Variants in GLI2 observed in about 807,000 individuals in gnomAD.
GLI2 encodes the protein transcription activator GLI2.
In GLI2, 22 loss-of-function variants were observed where a neutral mutation model predicts 78.9. The observed-to-expected ratio is 0.28, with a 90% CI of 0.20 to 0.40. The LOEUF (loss-of-function observed/expected upper bound fraction) is 0.40, where lower values mean the gene tolerates loss of function less well. Among genes scored for constraint, GLI2 ranks in the 10% least tolerant of loss-of-function variants. The pLI, the probability that GLI2 is intolerant of heterozygous loss-of-function variation, is 1.00. For synonymous variants in GLI2, 974 were observed against 963.7 expected (o/e 1.01, Z -0.20); for missense variants, 2,097 against 2,213.2 (o/e 0.95, Z 1.05).
chr2:120,978,347 G>T, intron 9 of GLI2, 87 bp from the exon 10 acceptor site: 1 of 1,462,736 alleles, frequency 6.8e-7, no homozygotes, highest in Non-Finnish European at 9.6e-7. Context: ...CTGGGGGGGT[G>T]CCGGTGCAGG....
chr2:120,821,192 A>C (rs13392139), intron 2 of GLI2, among the ~76,000 whole-genome samples: 4 of 151,716 alleles, frequency 2.6e-5, no homozygotes, highest in African/African-American at 7.3e-5. Context: ...TGTACGGGGG[A>C]GGTTCTCTCG....
intron 2 of GLI2, among the ~76,000 whole-genome samples, chr2:120,861,477 C>T (rs567533567): frequency 1.6e-4 from 25 of 152,302 alleles, no homozygotes; most frequent in East Asian, 5.8e-4. Context: ...GAGTCGCCCA[C>T]GCTATAGTCA....
At chr2:120,742,574 C>T (rs920918555) in intron 1 of GLI2, among the ~76,000 whole-genome samples, 1 of 151,736 alleles carries the variant, frequency 6.6e-6, no homozygotes, top group African/African-American at 2.4e-5. Flanking sequence ...GCCGAGAGCC[C>T]GCCACACACG....
At chr2:120,835,486 G>A (rs1386878730) in intron 2 of GLI2, among the ~76,000 whole-genome samples, 2 of 151,060 alleles carry the variant, frequency 1.3e-5, no homozygotes, top group East Asian at 1.9e-4. Flanking sequence ...CCTGGGTTCC[G>A]GAGATTCTCC....
chr2:120,952,219 G>T (rs78149916), intron 4 of GLI2, among the ~76,000 whole-genome samples: 1 of 152,152 alleles, frequency 6.6e-6, no homozygotes, highest in African/African-American at 2.4e-5. Context: ...CCCTGAGAGC[G>T]CTGTTAGCCA....
chr2:120,988,062 A>T (rs1190312936), intron 13 of GLI2, 146 bp from the exon 14 acceptor site: 8 of 672,854 alleles, frequency 1.2e-5, no homozygotes, highest in South Asian at 9.2e-5. Context: ...TAAAAAGAGA[A>T]AGAGAGAAAG....
chr2:120,928,008 G>A (rs75083932), intron 3 of GLI2, among the ~76,000 whole-genome samples: 1 of 152,064 alleles, frequency 6.6e-6, no homozygotes, highest in Non-Finnish European at 1.5e-5. Flanking sequence ...GCCTAACCCT[G>A]TCCCTGTCAT....
At chr2:120,935,082 G>GT (rs1158990707) in intron 3 of GLI2, among the ~76,000 whole-genome samples, 2 of 152,136 alleles carry the variant, frequency 1.3e-5, no homozygotes, top group East Asian at 1.9e-4. Flanking sequence ...GGCTTTGTTT[G>GT]TTTTTTGGGA....
intron 3 of GLI2, among the ~76,000 whole-genome samples, chr2:120,947,686 T>G (rs1240134360): frequency 6.6e-6 from 1 of 152,098 alleles, no homozygotes; most frequent in Non-Finnish European, 1.5e-5. Context: ...CCGGCCCTGG[T>G]CATTTCACAC....
At chr2:120,827,069 A>G (rs1235035638) in intron 2 of GLI2, among the ~76,000 whole-genome samples, 1 of 152,164 alleles carries the variant, frequency 6.6e-6, no homozygotes, top group Non-Finnish European at 1.5e-5. Context: ...AGGGCCTGGC[A>G]CTGCCCATGC....
intron 1 of GLI2, among the ~76,000 whole-genome samples, chr2:120,795,646 C>G (rs1207794803): frequency 6.6e-6 from 1 of 151,870 alleles, no homozygotes; most frequent in Non-Finnish European, 1.5e-5. Context: ...CTGCGACCCC[C>G]GTCCCCACAC....
intron 2 of GLI2, among the ~76,000 whole-genome samples, chr2:120,920,931 T>C (rs1049215044): frequency 6.9e-6 from 1 of 145,696 alleles, no homozygotes; most frequent in African/African-American, 2.5e-5. Context: ...AAGCCAACAA[T>C]GAAAGCTGTG....
intron 2 of GLI2, among the ~76,000 whole-genome samples, chr2:120,860,217 C>T (rs1340997057): frequency 6.6e-6 from 1 of 152,192 alleles, no homozygotes; most frequent in Non-Finnish European, 1.5e-5. Context: ...TCAGATTTGT[C>T]TTCCAGTTTC....
At position 120,989,821 on chromosome 2, in the gene GLI2, G is replaced by T; in HGVS notation, c.3856G>T (p.Gly1286Trp). ...GATGGGCAATCGCCACAGGGAACTT[G>T]GGGTCCCCGATTCAGCCCTGGCTGG... ...TTMGNRHRELGVPDSALAGVP... is the reference protein window; with the variant it reads ...TTMGNRHRELWVPDSALAGVP... Residue 1286 changes from glycine to tryptophan, a missense_variant, in exon 14 of 14, where the codon GGG (glycine) becomes TGG (tryptophan). Gly to Trp is a radical substitution (Grantham distance 184). Transcript: ENST00000361492. 1 of 1,611,686 alleles carries T rather than the reference G, an allele frequency of 6.2e-7. No homozygotes were observed. The highest frequency in any genetic ancestry group is 8.5e-7 in the Non-Finnish European group (1 of 1,179,048).
At chr2:120,896,660 C>T (rs1222510664) in intron 2 of GLI2, among the ~76,000 whole-genome samples, 3 of 29,590 alleles carry the variant, frequency 1.0e-4, no homozygotes, top group South Asian at 4.5e-3. Context: ...CACACACACA[C>T]ATACACCCAC....
intron 1 of GLI2, among the ~76,000 whole-genome samples, chr2:120,796,611 C>T (rs1684408393): frequency 6.6e-6 from 1 of 152,252 alleles, no homozygotes; most frequent in African/African-American, 2.4e-5. Flanking sequence ...TGTGCCCCTG[C>T]AACCCTCTCT....
intron 3 of GLI2, among the ~76,000 whole-genome samples, chr2:120,936,036 G>A (rs562463868): frequency 1.6e-4 from 24 of 152,214 alleles, no homozygotes; most frequent in African/African-American, 4.1e-4. Flanking sequence ...CGGCAGGATC[G>A]GGATGAACTA....
intron 1 of GLI2, among the ~76,000 whole-genome samples, chr2:120,774,075 C>T (rs1215953062): frequency 6.6e-6 from 1 of 151,922 alleles, no homozygotes; most frequent in East Asian, 1.9e-4. Context: ...GGAGCAGGCA[C>T]CCCGATAGGA....
intron 2 of GLI2, among the ~76,000 whole-genome samples, chr2:120,810,616 G>A (rs74405646): frequency 1.3e-3 from 194 of 152,314 alleles, no homozygotes; most frequent in African/African-American, 4.1e-3. Context: ...TAATAGGGGC[G>A]CTTGGAAGGG....
Sources: gnomAD v4.1 joint callset for allele counts (sites outside exome capture counted in the v4.1 genomes callset) on GRCh38, gnomAD v4.1.1 for gene constraint, MANE v1.5 for transcripts, NCBI Gene and HGNC (gene_info 2026-07-23, HGNC 2026-07-21) for gene names.